KCNJ3: variants seen among roughly 807,000 people sequenced by gnomAD.
KCNJ3 encodes the protein potassium inwardly rectifying channel subfamily J member 3, also known as G protein-activated inward rectifier potassium channel 1.
KCNJ3 carries 4 observed loss-of-function variants against 39.2 expected under a neutral mutation model. The observed-to-expected ratio is 0.10, with a 90% confidence interval of 0.05 to 0.23. The LOEUF is 0.23. Ranked by LOEUF, KCNJ3 falls within the 10% of genes least tolerant of loss-of-function variation. The pLI is 1.00. For synonymous variants in KCNJ3, 230 were observed against 237.4 expected (o/e 0.97, Z 0.29); for missense variants, 276 against 634.9 (o/e 0.43, Z 6.08).
At chr2:154,782,540 A>ACACACACAC (rs1553458769) in intron 2 of KCNJ3, among the ~76,000 whole-genome samples, 1 of 72,460 alleles carries the variant, frequency 1.4e-5, no homozygotes, top group Non-Finnish European at 3.2e-5. Context: ...ACACACACAC[A>ACACACACAC]TACACGCAGG....
rs1385504411 is a variant in KCNJ3, at chr2:154,842,668, T to A, written c.920-12059T>A. 2.0e-5 allele frequency among the ~76,000 whole-genome samples: 3 copies of A among 152,254 alleles called. No individual in the cohort carries two copies. The East Asian group carries it at 5.8e-4, about 29-fold the overall frequency. ...ATTTAGGATAGTTAGCTCTTCTTGT[T>A]GAATTGATTCCTTTACCATTATGTA... On this transcript the variant is annotated intron_variant, in intron 2 of 2. Coordinates refer to ENST00000295101, the MANE Select transcript of KCNJ3 (RefSeq NM_002239.4).
intron 2 of KCNJ3, among the ~76,000 whole-genome samples, chr2:154,761,292 T>A (rs1259751768): frequency 6.6e-6 from 1 of 152,192 alleles, no homozygotes; most frequent in East Asian, 1.9e-4. Flanking sequence ...AGTTTGTTTA[T>A]ATTGCCATTT....
intron 2 of KCNJ3, among the ~76,000 whole-genome samples, chr2:154,711,415 A>G (rs1396627426): frequency 1.3e-5 from 2 of 152,020 alleles, no homozygotes; most frequent in African/African-American, 4.8e-5. Flanking sequence ...TATTCTCATC[A>G]CTGACATTAA....
intron 2 of KCNJ3, among the ~76,000 whole-genome samples, chr2:154,744,989 G>C (rs942711843): frequency 5.3e-5 from 8 of 151,654 alleles, no homozygotes; most frequent in African/African-American, 1.9e-4. Context: ...TTGACCCACG[G>C]ACTATTTAGA....
intron 2 of KCNJ3, among the ~76,000 whole-genome samples, chr2:154,796,836 T>C (rs542688495): frequency 6.6e-6 from 1 of 152,296 alleles, no homozygotes; most frequent in African/African-American, 2.4e-5. Flanking sequence ...TATCATTCAA[T>C]TTTATAAAAT....
intron 2 of KCNJ3, among the ~76,000 whole-genome samples, chr2:154,840,238 T>C (rs936542982): frequency 2.6e-5 from 4 of 152,206 alleles, no homozygotes; most frequent in African/African-American, 9.6e-5. Flanking sequence ...TTGTCAAAGA[T>C]CAGATGGTTG....
chr2:154,701,113 A>G (rs1243563206), intron 1 of KCNJ3, among the ~76,000 whole-genome samples: 1 of 152,168 alleles, frequency 6.6e-6, no homozygotes, highest in Non-Finnish European at 1.5e-5. Context: ...GTTTATTACA[A>G]TAGTAACTGT....
chr2:154,838,948 G>A (rs2961966), intron 2 of KCNJ3, among the ~76,000 whole-genome samples: 27,430 of 149,480 alleles, frequency 0.18, 3,073 homozygotes, highest in East Asian at 0.4. Flanking sequence ...TTTTATGTAT[G>A]TATTTATTTT....
At chr2:154,802,268 T>G (rs1267089797) in intron 2 of KCNJ3, among the ~76,000 whole-genome samples, 1 of 151,814 alleles carries the variant, frequency 6.6e-6, no homozygotes, top group Non-Finnish European at 1.5e-5. Flanking sequence ...TACAGTGACA[T>G]AAAATGTGCT....
At chr2:154,741,447 T>C (rs1301085573) in intron 2 of KCNJ3, among the ~76,000 whole-genome samples, 1 of 148,204 alleles carries the variant, frequency 6.7e-6, no homozygotes, top group African/African-American at 2.5e-5. Flanking sequence ...TTTTTTTTTT[T>C]CATTTAGGCT....
At chr2:154,804,146 T>C (rs1411416360) in intron 2 of KCNJ3, among the ~76,000 whole-genome samples, 2 of 152,014 alleles carry the variant, frequency 1.3e-5, no homozygotes, top group East Asian at 3.9e-4. Flanking sequence ...TAGATAAAAA[T>C]AATATCTGTT....
At chr2:154,841,043 C>T (rs1364451725) in intron 2 of KCNJ3, among the ~76,000 whole-genome samples, 1 of 152,072 alleles carries the variant, frequency 6.6e-6, no homozygotes, top group Non-Finnish European at 1.5e-5. Context: ...CAGTTTTTGC[C>T]CATTTAGTAT....
intron 2 of KCNJ3, among the ~76,000 whole-genome samples, chr2:154,770,420 A>T (rs1274533085): frequency 2.0e-5 from 3 of 147,696 alleles, no homozygotes; most frequent in Non-Finnish European, 4.5e-5. Flanking sequence ...AGCTTGAAGA[A>T]ATTTGAGAAA....
intron 2 of KCNJ3, among the ~76,000 whole-genome samples, chr2:154,728,433 T>A (rs1390494111): frequency 6.6e-6 from 1 of 152,200 alleles, no homozygotes; most frequent in Non-Finnish European, 1.5e-5. Flanking sequence ...AGGGGATATC[T>A]AAAATAGCAT....
intron 2 of KCNJ3, among the ~76,000 whole-genome samples, chr2:154,814,551 C>T (rs892373497): frequency 6.6e-5 from 10 of 152,006 alleles, no homozygotes; most frequent in African/African-American, 2.4e-4. Flanking sequence ...GCAGGAGAAT[C>T]ATTTGAACCT....
chr2:154,786,610 A>G (rs1278766916), intron 2 of KCNJ3, among the ~76,000 whole-genome samples: 1 of 152,176 alleles, frequency 6.6e-6, no homozygotes, highest in East Asian at 1.9e-4. Context: ...ATGCAGATAT[A>G]TACGTATATA....
chr2:154,756,464 C>T (rs1174563911), intron 2 of KCNJ3, among the ~76,000 whole-genome samples: 1 of 151,964 alleles, frequency 6.6e-6, no homozygotes, highest in Non-Finnish European at 1.5e-5. Flanking sequence ...TTTCATAGTG[C>T]CATTTTCATT....
chr2:154,838,158 A>G (rs1574481534), intron 2 of KCNJ3, among the ~76,000 whole-genome samples: 1 of 152,340 alleles, frequency 6.6e-6, no homozygotes, highest in Admixed American at 6.5e-5. Flanking sequence ...ATCAGGAATG[A>G]CTTCATAAAA....
intron 2 of KCNJ3, among the ~76,000 whole-genome samples, chr2:154,710,205 G>A (rs1685078588): frequency 6.6e-6 from 1 of 152,024 alleles, no homozygotes; most frequent in Non-Finnish European, 1.5e-5. Context: ...TCTGGCCTTG[G>A]GGATGGTGAT....
Sources: gnomAD v4.1 joint callset for allele counts (sites outside exome capture counted in the v4.1 genomes callset) on GRCh38, gnomAD v4.1.1 for gene constraint, MANE v1.5 for transcripts, NCBI Gene and HGNC (gene_info 2026-07-23, HGNC 2026-07-21) for gene names.